Variants in ACVR2A observed in about 807,000 individuals in gnomAD.
The protein encoded by ACVR2A is activin receptor type-2A.
In ACVR2A, 7 loss-of-function variants were observed where a neutral mutation model predicts 61.4. The ratio of observed to expected loss-of-function variants is 0.11; its 90% CI spans 0.06 to 0.21. The LOEUF (loss-of-function observed/expected upper bound fraction) is 0.21, where lower values mean the gene tolerates loss of function less well. ACVR2A is among the 10% of genes least tolerant of loss of function. The pLI, the probability that ACVR2A is intolerant of heterozygous loss-of-function variation, is 1.00. For missense variants in ACVR2A, 322 were observed against 621.7 expected (o/e 0.52, Z 5.13); for synonymous variants, 193 against 208.3 (o/e 0.93, Z 0.63).
intron 1 of ACVR2A, among the ~76,000 whole-genome samples, chr2:147,861,709 A>C (rs1685730942): frequency 6.6e-6 from 1 of 152,142 alleles, no homozygotes; most frequent in African/African-American, 2.4e-5. Context: ...AATCCAAAAC[A>C]CTTCTGATCC....
intron 1 of ACVR2A, among the ~76,000 whole-genome samples, chr2:147,883,620 T>C (rs1374915643): frequency 6.6e-6 from 1 of 152,128 alleles, no homozygotes; most frequent in Non-Finnish European, 1.5e-5. Flanking sequence ...AAAAAAACTG[T>C]TGGTGATTAT....
chr2:147,875,663 T>C (rs1361877883), intron 1 of ACVR2A, among the ~76,000 whole-genome samples: 1 of 152,058 alleles, frequency 6.6e-6, no homozygotes, highest in East Asian at 1.9e-4. Flanking sequence ...GGCATAAATA[T>C]GTAGGTGCTG....
chr2:147,875,972 A>G (rs1324001482), intron 1 of ACVR2A, among the ~76,000 whole-genome samples: 1 of 152,154 alleles, frequency 6.6e-6, no homozygotes, highest in Non-Finnish European at 1.5e-5. Context: ...CATTACAGAA[A>G]ACTGAAAGAT....
chr2:147,878,660 G>T (rs1400897174), intron 1 of ACVR2A, among the ~76,000 whole-genome samples: 1 of 152,020 alleles, frequency 6.6e-6, no homozygotes, highest in African/African-American at 2.4e-5. Flanking sequence ...TGTAATTCCA[G>T]CACTTCAGGA....
intron 1 of ACVR2A, among the ~76,000 whole-genome samples, chr2:147,870,739 T>C (rs1179512948): frequency 6.6e-6 from 1 of 152,174 alleles, no homozygotes; most frequent in Non-Finnish European, 1.5e-5. Flanking sequence ...TTTTTCCTTC[T>C]TCCCTTTTAA....
intron 1 of ACVR2A, among the ~76,000 whole-genome samples, chr2:147,851,370 G>C (rs1370821603): frequency 6.6e-6 from 1 of 151,520 alleles, no homozygotes; most frequent in Non-Finnish European, 1.5e-5. Flanking sequence ...ACCTTTGTGT[G>C]CCTCAGTTTT....
chr2:147,855,371 A>G (rs1380078392), intron 1 of ACVR2A, among the ~76,000 whole-genome samples: 1 of 152,210 alleles, frequency 6.6e-6, no homozygotes, highest in Non-Finnish European at 1.5e-5. Flanking sequence ...AGGATCATGC[A>G]GGTCTTTGAT....
intron 1 of ACVR2A, among the ~76,000 whole-genome samples, chr2:147,883,084 G>T (rs993140161): frequency 6.6e-6 from 1 of 152,146 alleles, no homozygotes; most frequent in Non-Finnish European, 1.5e-5. Flanking sequence ...AAGCAACCCA[G>T]GGCAGCCAAA....
rs1016439616 is a variant in ACVR2A at position 147,905,075 on chromosome 2, A to G, written c.528+5177A>G. Among the ~76,000 whole-genome samples the G allele has an allele frequency of 5.3e-5, 8 of 152,204 alleles. No individual in the cohort carries two copies. The East Asian group carries it at 1.3e-3, about 26-fold the overall frequency. On this transcript the variant is annotated intron_variant, in intron 4 of 10. Coordinates refer to ENST00000241416, the MANE Select transcript of ACVR2A (RefSeq NM_001616.5). ...TGCTTGTGGTATCAAGACAAACTGT[A>G]CAGAAAGACGTATGAAAAAATAGAA... is the stretch of plus-strand genomic sequence containing the variant.
chr2:147,880,067 G>A (rs1186169560), intron 1 of ACVR2A, among the ~76,000 whole-genome samples: 2 of 152,088 alleles, frequency 1.3e-5, no homozygotes, highest in Non-Finnish European at 2.9e-5. Flanking sequence ...GTATAAATGG[G>A]TGATATCTTT....
chr2:147,846,970 GT>G (rs1219773711), intron 1 of ACVR2A, among the ~76,000 whole-genome samples: 1 of 152,060 alleles, frequency 6.6e-6, no homozygotes, highest in African/African-American at 2.4e-5. Context: ...CAGTCTCAAG[GT>G]ATTACTTCTT....
At chr2:147,915,118 T>G in intron 4 of ACVR2A, 73 bp from the exon 5 acceptor site, 1 of 1,467,204 alleles carries the variant, frequency 6.8e-7, no homozygotes, top group South Asian at 1.2e-5. Flanking sequence ...GTATACTCAC[T>G]TTTTTTCTCA....
intron 1 of ACVR2A, among the ~76,000 whole-genome samples, chr2:147,875,333 GA>G (rs1275350812): frequency 6.6e-6 from 1 of 151,956 alleles, no homozygotes; most frequent in Non-Finnish European, 1.5e-5. Flanking sequence ...ACTTTATGGG[GA>G]TAAAATACAA....
chr2:147,914,479 T>C lies in ACVR2A; in HGVS notation c.529-712T>C, dbSNP rs142337764. ...TTCTTTCATTTACCATATCCTGTTATCTACTATGATGACCACTTCTTTTCT... is the reference window on the plus strand; with the variant it reads ...TTCTTTCATTTACCATATCCTGTTACCTACTATGATGACCACTTCTTTTCT... On this transcript the variant is annotated intron_variant, in intron 4 of 10. Transcript: ENST00000241416. Among the ~76,000 whole-genome samples the C allele has an allele frequency of 3.8e-3, 576 of 152,170 alleles. 7 individuals carry two copies. The highest frequency in any genetic ancestry group is 0.022 in the South Asian group (108 of 4,832).
chr2:147,845,347 CG>C (rs1242418664), intron 1 of ACVR2A, 140 bp downstream of exon 1: 9 of 425,458 alleles, frequency 2.1e-5, no homozygotes, highest in South Asian at 6.1e-5. Flanking sequence ...CGGCTGCCAC[CG>C]CCCCCCCCCC....
intron 1 of ACVR2A, among the ~76,000 whole-genome samples, chr2:147,848,223 C>G (rs909018473): frequency 1.3e-5 from 2 of 152,076 alleles, no homozygotes; most frequent in Non-Finnish European, 2.9e-5. Context: ...TGTCTGTGGT[C>G]AAATTCAAAT....
chr2:147,878,574 T>C (rs1434475586), intron 1 of ACVR2A, among the ~76,000 whole-genome samples: 1 of 152,144 alleles, frequency 6.6e-6, no homozygotes, highest in African/African-American at 2.4e-5. Flanking sequence ...GCCCTTGTTT[T>C]GTGTTACAGT....
chr2:147,918,977 C>CTTA (rs540124488), intron 7 of ACVR2A, among the ~76,000 whole-genome samples: 84 of 152,040 alleles, frequency 5.5e-4, no homozygotes, highest in African/African-American at 1.9e-3. Flanking sequence ...TTTGAATGAC[C>CTTA]TTATCTGTAC....
intron 8 of ACVR2A, among the ~76,000 whole-genome samples, chr2:147,922,175 C>CTTGAA (rs1262560254): frequency 1.8e-3 from 276 of 152,016 alleles, no homozygotes; most frequent in African/African-American, 6.4e-3. Flanking sequence ...AATGTGTTCT[C>CTTGAA]CTTGAACTTT....
Sources: allele counts gnomAD v4.1 joint callset (sites outside exome capture counted in the v4.1 genomes callset), GRCh38; gene constraint gnomAD v4.1.1; transcripts MANE v1.5; gene names NCBI Gene and HGNC (gene_info 2026-07-23, HGNC 2026-07-21).